The following ZNF124 variants were observed in gnomAD, a reference collection of about 807,000 sequenced individuals.
ZNF124 encodes zinc finger protein 124, also known as zinc finger protein HZF-16.
ZNF124 carries 25 observed loss-of-function variants against 26.6 expected under a neutral mutation model. That is an observed-to-expected ratio of 0.94 (90% CI 0.68 to 1.31). ZNF124 has a LOEUF of 1.31. Ranked by LOEUF, ZNF124 falls within the 40% of genes most tolerant of loss-of-function variation. ZNF124 has a pLI of 0.00. For synonymous variants in ZNF124, 129 were observed against 133.3 expected (o/e 0.97, Z 0.22); for missense variants, 444 against 422.2 (o/e 1.05, Z -0.45).
chr1:247,125,590 C>A (rs1325747945), intron 3 of ZNF124, among the ~76,000 whole-genome samples: 1 of 151,944 alleles, frequency 6.6e-6, no homozygotes, highest in Non-Finnish European at 1.5e-5. Flanking sequence ...TGCCATCACA[C>A]CCGGCTAAAT....
intron 3 of ZNF124, among the ~76,000 whole-genome samples, chr1:247,125,427 T>C (rs1410541222): frequency 1.4e-5 from 2 of 141,304 alleles, no homozygotes; most frequent in Non-Finnish European, 3.1e-5. Context: ...CACCTGTTTT[T>C]GTCTTTTTTT....
At chr1:247,123,984 A>G in intron 3 of ZNF124, 2 of 686,778 alleles carry the variant, frequency 2.9e-6, no homozygotes, top group Non-Finnish European at 5.3e-6. Flanking sequence ...ACCCGCCACC[A>G]CGCCCGGCTA....
intron 3 of ZNF124, chr1:247,138,766 A>T: frequency 2.5e-6 from 1 of 398,636 alleles, no homozygotes; most frequent in African/African-American, 2.1e-5. Context: ...ATCTGTAGGA[A>T]AATTGAAAGT....
chr1:247,141,717 G>C (rs937303913), intron 3 of ZNF124, among the ~76,000 whole-genome samples: 2 of 152,142 alleles, frequency 1.3e-5, no homozygotes, highest in Admixed American at 6.5e-5. Context: ...CCCTACAGCA[G>C]CAAAACTGAG....
intron 1 of ZNF124, among the ~76,000 whole-genome samples, chr1:247,162,405 A>G (rs1407595009): frequency 6.6e-6 from 1 of 152,114 alleles, no homozygotes; most frequent in Non-Finnish European, 1.5e-5. Context: ...AAGTAAAGAG[A>G]TAGAGAAAAA....
chr1:247,125,952 T>C (rs1057137630), intron 3 of ZNF124, among the ~76,000 whole-genome samples: 1 of 147,686 alleles, frequency 6.8e-6, no homozygotes, highest in Non-Finnish European at 1.5e-5. Context: ...TGTACAATTG[T>C]ATTCATATAA....
chr1:247,130,343 G>A (rs1451590699), intron 3 of ZNF124, among the ~76,000 whole-genome samples: 3 of 152,178 alleles, frequency 2.0e-5, no homozygotes, highest in African/African-American at 7.2e-5. Context: ...GAATTCCAGG[G>A]CTTAGCTTTG....
At chr1:247,150,193 T>C (rs74152944), downstream of ZNF124, among the ~76,000 whole-genome samples, 5,044 of 152,350 alleles carry the variant, frequency 0.033, 289 homozygotes, top group African/African-American at 0.11. Flanking sequence ...CAATGTGTAT[T>C]TGGAGATATC....
At chr1:247,149,721 T>A (rs1259802189) in intron 3 of ZNF124, 1 of 152,188 alleles carries the variant, frequency 6.6e-6, no homozygotes, top group Admixed American at 6.5e-5. Flanking sequence ...GTACAAACTT[T>A]CAGTTATAAG....
At chr1:247,148,949 G>A (rs1672856556) in intron 3 of ZNF124, among the ~76,000 whole-genome samples, 1 of 151,394 alleles carries the variant, frequency 6.6e-6, no homozygotes, top group Non-Finnish European at 1.5e-5. Context: ...CAGCCTGGGT[G>A]ACAGAGTGAG....
At position 247,156,323 on chromosome 1, in the gene ZNF124, C is replaced by T; in HGVS notation, c.*243G>A. 1 of 1,209,270 alleles carries T rather than the reference C, an allele frequency of 8.3e-7. No individual in the cohort carries two copies. Among genetic ancestry groups the T allele is most frequent in the Non-Finnish European group, 1.0e-6 (1 of 973,438 alleles). The allele number at this position is 1,209,270 out of a possible 1,614,324, so 74.9% of individuals were successfully genotyped here. A position where few individuals can be genotyped will look rare whatever the true frequency, so the allele number is the denominator to read the frequency against. ...ACCACTGGAACAACTGCAGGCCTTA[C>T]CACATTTTAAACATTCATATGGATT... is the stretch of plus-strand genomic sequence containing the variant. On this transcript the variant is annotated 3_prime_UTR_variant, in exon 4 of 4. Coordinates refer to ENST00000543802, the MANE Select transcript of ZNF124 (RefSeq NM_001297568.2).
intron 3 of ZNF124, among the ~76,000 whole-genome samples, chr1:247,145,878 C>T (rs1672763132): frequency 6.6e-6 from 1 of 152,212 alleles, no homozygotes; most frequent in Non-Finnish European, 1.5e-5. Flanking sequence ...CAGCCTCAGC[C>T]TCCCAAAGTG....
chr1:247,138,872 C>T (rs1672555253), intron 3 of ZNF124: 1 of 396,110 alleles, frequency 2.5e-6, no homozygotes, highest in South Asian at 1.4e-4. Flanking sequence ...GCAAACCTGC[C>T]TTCCGTTCTA....
At chr1:247,160,995 C>G (rs183720061) in intron 1 of ZNF124, among the ~76,000 whole-genome samples, 58 of 152,292 alleles carry the variant, frequency 3.8e-4, no homozygotes, top group African/African-American at 1.2e-3. Context: ...GAAAAAAACT[C>G]AATGTCATCT....
chr1:247,157,297 C>T lies in ZNF124; in HGVS notation c.325G>A (p.Val109Ile), dbSNP rs751221540. 2.2e-5 allele frequency: 36 copies of T among 1,603,822 alleles called. No individual in the cohort carries two copies. Among genetic ancestry groups the T allele is most frequent in the Non-Finnish European group, 2.9e-5 (34 of 1,174,036 alleles). Residue 109 changes from valine to isoleucine, a missense_variant, in exon 4 of 4, where the codon GTT becomes ATT. Physicochemically the swap from Val to Ile is conservative, Grantham distance 29. Transcript: ENST00000543802. ...CQKTSLSVTR[V>I]HRDTVMHTGN... ...GTGTGCATTACTGTGTCTCTGTGAACCCTTGTGACAGAAAGGGAAGTTTTC... is the reference window on the plus strand; with the variant it reads ...GTGTGCATTACTGTGTCTCTGTGAATCCTTGTGACAGAAAGGGAAGTTTTC...
chr1:247,137,487 C>CAAAAAAAAAA (rs56926662), intron 3 of ZNF124, among the ~76,000 whole-genome samples: 186 of 81,562 alleles, frequency 2.3e-3, no homozygotes, highest in African/African-American at 3.3e-3. Flanking sequence ...ACTAAAAATA[C>CAAAAAAAAAA]AAAAAAAAAA....
chr1:247,142,841 CTT>C (rs56080219), intron 3 of ZNF124, among the ~76,000 whole-genome samples: 20 of 143,744 alleles, frequency 1.4e-4, no homozygotes, highest in African/African-American at 1.8e-4. Flanking sequence ...CAGGTATTGT[CTT>C]TTTTTTTTTT....
intron 1 of ZNF124, among the ~76,000 whole-genome samples, chr1:247,163,206 T>C (rs1673584035): frequency 6.6e-6 from 1 of 151,730 alleles, no homozygotes; most frequent in African/African-American, 2.4e-5. Flanking sequence ...TTTGAAAAGA[T>C]CTCAAATTAG....
intron 1 of ZNF124, among the ~76,000 whole-genome samples, chr1:247,163,323 A>AG (rs374751236): frequency 6.7e-6 from 1 of 149,320 alleles, no homozygotes; most frequent in Non-Finnish European, 1.5e-5. Flanking sequence ...AGAGAGAGAG[A>AG]AAAAAAAGCA....
Sources: allele counts gnomAD v4.1 joint callset (sites outside exome capture counted in the v4.1 genomes callset), GRCh38; gene constraint gnomAD v4.1.1; transcripts MANE v1.5; gene names NCBI Gene and HGNC (gene_info 2026-07-23, HGNC 2026-07-21).